RAD51B: variants seen among roughly 807,000 people sequenced by gnomAD.
RAD51B encodes RAD51 paralog B, also known as DNA repair protein RAD51 homolog 2.
A neutral mutation model predicts 42.2 loss-of-function variants in RAD51B; 38 were observed. The ratio of observed to expected loss-of-function variants is 0.90; its 90% CI spans 0.70 to 1.18. RAD51B has a LOEUF of 1.18. Among genes scored for constraint, RAD51B ranks in the 50% most tolerant of loss-of-function variants. The pLI is 0.00. For synonymous variants in RAD51B, 154 were observed against 145.2 expected (o/e 1.06, Z -0.43); for missense variants, 373 against 400.7 (o/e 0.93, Z 0.59).
chr14:68,582,054 C>T (rs1038854216), intron 10 of RAD51B, among the ~76,000 whole-genome samples: 1 of 152,086 alleles, frequency 6.6e-6, no homozygotes, highest in Non-Finnish European at 1.5e-5. Flanking sequence ...CCATAAAAAC[C>T]CTAGAAGAAA....
rs143230610 is a variant in RAD51B at position 68,592,787 on chromosome 14, G to A, written c.1037-1698G>A. Among the ~76,000 whole-genome samples the A allele has an allele frequency of 9.8e-3, 1,496 of 152,306 alleles. 11 individuals carry two copies. The highest frequency in any genetic ancestry group is 0.016 in the Non-Finnish European group (1,104 of 68,026). ...GGAAACTGAGGCACAGAGCATTTTGGCATTGATTCCCTTCGGCAAATGTGA... is the reference window on the plus strand; with the variant it reads ...GGAAACTGAGGCACAGAGCATTTTGACATTGATTCCCTTCGGCAAATGTGA... On this transcript the variant is annotated intron_variant, in intron 10 of 10. Transcript: ENST00000487270.
intron 7 of RAD51B, among the ~76,000 whole-genome samples, chr14:68,187,136 T>C (rs180995282): frequency 6.6e-6 from 1 of 152,290 alleles, no homozygotes; most frequent in East Asian, 1.9e-4. Flanking sequence ...TTCTCACTTA[T>C]AAGTGGAAGC....
At chr14:68,475,256 T>A (rs1882468655) in intron 10 of RAD51B, among the ~76,000 whole-genome samples, 1 of 152,204 alleles carries the variant, frequency 6.6e-6, no homozygotes, top group Non-Finnish European at 1.5e-5. Context: ...ATTTCTGTTA[T>A]CATGAGAAAA....
At chr14:68,551,016 A>G (rs994082609) in intron 10 of RAD51B, among the ~76,000 whole-genome samples, 23 of 152,238 alleles carry the variant, frequency 1.5e-4, no homozygotes, top group African/African-American at 5.1e-4. Flanking sequence ...AAAAGTTTCA[A>G]ATTATCTTCC....
chr14:68,335,674 G>T (rs570974727), intron 8 of RAD51B, among the ~76,000 whole-genome samples: 1 of 152,272 alleles, frequency 6.6e-6, no homozygotes, highest in African/African-American at 2.4e-5. Flanking sequence ...TCATCTAATA[G>T]AATTTATTTA....
At chr14:67,935,272 T>A (rs1400003295) in intron 7 of RAD51B, among the ~76,000 whole-genome samples, 1 of 152,158 alleles carries the variant, frequency 6.6e-6, no homozygotes, top group Admixed American at 6.5e-5. Context: ...TTACTTTGAG[T>A]GTAAGATATG....
At chr14:67,847,326 C>CTTTTTTTTTTTT (rs60032578) in intron 4 of RAD51B, among the ~76,000 whole-genome samples, 3 of 105,646 alleles carry the variant, frequency 2.8e-5, no homozygotes, top group Non-Finnish European at 5.7e-5. Context: ...TTGGTTTGTT[C>CTTTTTTTTTTTT]TTTTTTTTTT....
At chr14:68,248,426 A>G (rs765774734) in intron 7 of RAD51B, among the ~76,000 whole-genome samples, 5 of 152,086 alleles carry the variant, frequency 3.3e-5, no homozygotes, top group South Asian at 2.1e-4. Flanking sequence ...ATTGTTGGCA[A>G]TGCCTCCCCA....
At chr14:67,926,286 A>C (rs2044503788) in intron 7 of RAD51B, among the ~76,000 whole-genome samples, 1 of 152,100 alleles carries the variant, frequency 6.6e-6, no homozygotes. Flanking sequence ...CTGCTTAGAA[A>C]TTTTTTACAC....
intron 9 of RAD51B, among the ~76,000 whole-genome samples, chr14:68,448,676 T>G (rs1399148018): frequency 6.6e-6 from 1 of 152,226 alleles, no homozygotes; most frequent in African/African-American, 2.4e-5. Context: ...GTATTTTCAT[T>G]TTGGCATAGT....
intron 7 of RAD51B, among the ~76,000 whole-genome samples, chr14:68,025,746 T>C (rs2075945066): frequency 6.6e-6 from 1 of 151,954 alleles, no homozygotes; most frequent in Non-Finnish European, 1.5e-5. Context: ...GTTTACTAAT[T>C]TGATCTCTCT....
chr14:67,956,353 G>A (rs2074546611), intron 7 of RAD51B, among the ~76,000 whole-genome samples: 1 of 152,120 alleles, frequency 6.6e-6, no homozygotes. Context: ...CAAGTATGGT[G>A]GCGGCCACCT....
chr14:67,990,733 T>C (rs1335105669), intron 7 of RAD51B, among the ~76,000 whole-genome samples: 1 of 152,234 alleles, frequency 6.6e-6, no homozygotes, highest in Admixed American at 6.5e-5. Flanking sequence ...AGGCATAGTA[T>C]GTTTTATCTG....
At chr14:68,128,684 C>T (rs1012552204) in intron 7 of RAD51B, among the ~76,000 whole-genome samples, 1 of 151,828 alleles carries the variant, frequency 6.6e-6, no homozygotes, top group Non-Finnish European at 1.5e-5. Flanking sequence ...AGAGTGAGAC[C>T]CTGTCTCAAA....
In RAD51B at chr14:68,315,592, G is replaced by C. The variant is rs548469389; in HGVS notation, c.853+23612G>C. Among the ~76,000 whole-genome samples the C allele has an allele frequency of 1.5e-4, 23 of 152,094 alleles. No individual in the cohort carries two copies. The East Asian group carries it at 4.2e-3, about 28-fold the overall frequency. ...GCTGGAGTGCAGTGGCGTGATCTCT[G>C]CTCACTGCAAGCTCCACCTCCCGGG... is the stretch of plus-strand genomic sequence containing the variant. On this transcript the variant is annotated intron_variant, in intron 8 of 10. Coordinates refer to ENST00000471583, the MANE Select transcript of RAD51B (RefSeq NM_133510.4).
At chr14:68,020,629 T>C (rs2075848395) in intron 7 of RAD51B, among the ~76,000 whole-genome samples, 1 of 152,128 alleles carries the variant, frequency 6.6e-6, no homozygotes, top group Non-Finnish European at 1.5e-5. Context: ...ATATTACTTA[T>C]ATATATAGAG....
At chr14:68,477,543 A>T (rs1310912932) in intron 10 of RAD51B, 105 bp from the exon 11 acceptor site, 39 of 1,321,474 alleles carry the variant, frequency 3.0e-5, no homozygotes, top group Non-Finnish European at 4.1e-5. Flanking sequence ...ATGAAAGAGG[A>T]CTGCTGTTGG....
intron 9 of RAD51B, among the ~76,000 whole-genome samples, chr14:68,451,702 A>G (rs1291149088): frequency 3.3e-5 from 5 of 152,238 alleles, no homozygotes; most frequent in Non-Finnish European, 7.3e-5. Flanking sequence ...CGTGCTCTGA[A>G]GAAAGAGCAT....
chr14:68,465,723 C>T (rs1033176700), intron 9 of RAD51B, among the ~76,000 whole-genome samples: 6 of 151,980 alleles, frequency 3.9e-5, no homozygotes, highest in African/African-American at 9.7e-5. Flanking sequence ...AGGCGGATCA[C>T]GAGGTCAGGA....
Sources: gnomAD v4.1 joint callset for allele counts (sites outside exome capture counted in the v4.1 genomes callset) on GRCh38, gnomAD v4.1.1 for gene constraint, MANE v1.5 for transcripts, NCBI Gene and HGNC (gene_info 2026-07-23, HGNC 2026-07-21) for gene names.